CXorf38: variants seen among roughly 807,000 people sequenced by gnomAD.
CXorf38 encodes uncharacterized protein CXorf38.
In CXorf38, 13 loss-of-function variants were observed where a neutral mutation model predicts 27.5. The ratio of observed to expected loss-of-function variants is 0.47; its 90% CI spans 0.31 to 0.75. CXorf38 has a LOEUF of 0.75. CXorf38 is among the 30% of genes least tolerant of loss of function. The pLI, the probability that CXorf38 is intolerant of heterozygous loss-of-function variation, is 0.05. For synonymous variants in CXorf38, 100 were observed against 99.8 expected, an observed-to-expected ratio of 1.00 and a Z score of -0.01; for missense variants, 240 against 253.2, an observed-to-expected ratio of 0.95 and a Z score of 0.35.
chrX:40,647,039 G>C lies in CXorf38; in HGVS notation c.319C>G (p.Arg107Gly). 2 of 1,211,649 alleles carry C rather than the reference G, an allele frequency of 1.7e-6. No individual in the cohort carries two copies. The highest frequency in any genetic ancestry group is 2.2e-6 in the Non-Finnish European group (2 of 895,288). Reference sequence around the variant, plus strand: ...ACCTCCCAGGCGTCCACGGGCCAGCGGCCCGGCCGGCAGTTTCCCCAGTGC... The same window carrying C: ...ACCTCCCAGGCGTCCACGGGCCAGCCGCCCGGCCGGCAGTTTCCCCAGTGC... ...DVHWGNCRPG[R>G]WPVDAWEVAK... Residue 107 changes from arginine (R) to glycine (G), a missense_variant, in exon 2 of 7, where the codon CGC becomes GGC. Coordinates refer to ENST00000327877, the MANE Select transcript of CXorf38 (RefSeq NM_144970.3).
chrX:40,642,025 A>G (rs1390922318), intron 2 of CXorf38, among the ~76,000 whole-genome samples: 6 of 111,763 alleles, frequency 5.4e-5, no homozygotes, highest in Non-Finnish European at 9.4e-5. Flanking sequence ...TCTAATTCCC[A>G]TTTGAAGACT....
intron 2 of CXorf38, chrX:40,640,354 C>G (rs907937360): frequency 4.3e-6 from 1 of 232,038 alleles, no homozygotes; most frequent in East Asian, 1.3e-4. Context: ...CAAAAAACAA[C>G]AAAAAAAACC....
Position 40,631,932 on chromosome X carries a change from T to C in CXorf38, c.802-1159A>G, listed in dbSNP as rs1295194406. On this transcript the variant is annotated intron_variant, in intron 5 of 6. Transcript: ENST00000327877. ...GATCAAAGGGTTTCAGATTGGTCAG[T>C]AAGTAGACCGGGAATGTGCCCTTCA... Among the ~76,000 whole-genome samples, 14 of 111,348 alleles carry C rather than the reference T, an allele frequency of 1.3e-4. No homozygotes were observed. In the Admixed American group the frequency reaches 1.3e-3, roughly 11 times the overall value.
chrX:40,634,962 T>A (rs1260944026), intron 5 of CXorf38, among the ~76,000 whole-genome samples: 1 of 112,196 alleles, frequency 8.9e-6, no homozygotes, highest in Non-Finnish European at 1.9e-5. Context: ...CCTCATTATA[T>A]AAGATCTGCA....
intron 3 of CXorf38, 41 bp from the exon 4 acceptor site, chrX:40,637,197 A>G: frequency 2.0e-6 from 2 of 998,449 alleles, no homozygotes; most frequent in Middle Eastern, 3.4e-4. Flanking sequence ...AAAATCAAAC[A>G]ATGGGGTAAA....
At position 40,647,078 on chromosome X, in the gene CXorf38, T is replaced by C. The variant is rs1928620972; in HGVS notation, c.280A>G (p.Arg94Gly). The C allele has an allele frequency of 1.7e-6, 2 of 1,211,041 alleles. No individual in the cohort carries two copies. The highest frequency in any genetic ancestry group is 2.2e-6 in the Non-Finnish European group (2 of 895,258). The stretch of plus-strand genomic sequence containing the variant: ...TTTCCCCAGTGCACATCTCCATTTC[T>C]GTTGACATGATGTCTCAAAATCTCC... ...KREILRHHVNRNGDVHWGNCR... is the reference protein window; with the variant it reads ...KREILRHHVNGNGDVHWGNCR... The change falls in exon 2 of 7, where the codon AGA (arginine) becomes GGA (glycine). Residue 94 changes from arginine to glycine, a missense_variant. Coordinates refer to ENST00000327877, the MANE Select transcript of CXorf38 (RefSeq NM_144970.3).
chrX:40,636,525 TC>T lies in CXorf38; in HGVS notation c.801+7del, dbSNP rs751425060. ...ACTCACACAGAGCCTATAACACTTT[TC>T]TTTTACCTCTTCAGGCAACACCTCT... On this transcript the variant is annotated splice_region_variant and intron_variant, in intron 5 of 6. Transcript: ENST00000327877. 1 of 1,180,294 alleles carries T rather than the reference TC, an allele frequency of 8.5e-7. No homozygotes were observed. The highest frequency in any genetic ancestry group is 1.1e-6 in the Non-Finnish European group (1 of 871,069).
At chrX:40,630,827 TA>T in intron 5 of CXorf38, 54 bp from the exon 6 acceptor site, 1 of 1,122,378 alleles carries the variant, frequency 8.9e-7, no homozygotes, top group Non-Finnish European at 1.2e-6. Context: ...AGCAGATTTG[TA>T]ATTCAAATGA....
intron 5 of CXorf38, among the ~76,000 whole-genome samples, chrX:40,635,567 A>G (rs986203013): frequency 8.8e-6 from 1 of 113,074 alleles, no homozygotes; most frequent in African/African-American, 3.2e-5. Context: ...TCTGAACCTT[A>G]CTGGAATATA....
chrX:40,631,353 G>A (rs769369250), intron 5 of CXorf38, among the ~76,000 whole-genome samples: 5 of 108,077 alleles, frequency 4.6e-5, no homozygotes, highest in Non-Finnish European at 9.6e-5. Context: ...TGTCACCCAG[G>A]CTGGAGTGCA....
Position 40,646,954 on chromosome X carries a change from G to A in CXorf38, c.351+53C>T, listed in dbSNP as rs1011448233. 8 of 1,173,356 alleles carry A rather than the reference G, an allele frequency of 6.8e-6. No homozygotes were observed. In the African/African-American group the frequency reaches 1.3e-4, roughly 19 times the overall value. On this transcript the variant is annotated intron_variant, in intron 2 of 6. Coordinates refer to ENST00000327877, the MANE Select transcript of CXorf38 (RefSeq NM_144970.3). The stretch of plus-strand genomic sequence containing the variant: ...GACCACAAGACCAGATAGCCACCCC[G>A]AGTGCTGGGTGACCCGCCGCTTCCT...
intron 2 of CXorf38, among the ~76,000 whole-genome samples, chrX:40,645,507 GGTAGAA>G (rs1288275926): frequency 9.0e-6 from 1 of 111,469 alleles, no homozygotes; most frequent in African/African-American, 3.3e-5. Context: ...CTCTTTTCTA[GGTAGAA>G]GTAGAAGTCA....
intron 3 of CXorf38, 112 bp from the exon 4 acceptor site, chrX:40,637,268 A>C: frequency 1.8e-6 from 1 of 543,931 alleles, no homozygotes; most frequent in Non-Finnish European, 2.8e-6. Flanking sequence ...TAAAATCAAC[A>C]AGAGCAGTCT....
At chrX:40,639,176 G>C in intron 2 of CXorf38, 48 bp from the exon 3 acceptor site, 1 of 1,149,164 alleles carries the variant, frequency 8.7e-7, no homozygotes, top group African/African-American at 1.8e-5. Context: ...TCCAACTCTA[G>C]GAGATGGAAA....
intron 3 of CXorf38, among the ~76,000 whole-genome samples, chrX:40,638,724 C>T (rs1044401083): frequency 8.9e-6 from 1 of 112,081 alleles, no homozygotes; most frequent in Non-Finnish European, 1.9e-5. Context: ...CAGTGGCAAA[C>T]GGCACAATGA....
intron 5 of CXorf38, among the ~76,000 whole-genome samples, chrX:40,636,244 C>T (rs2146574293): frequency 8.9e-6 from 1 of 112,733 alleles, no homozygotes; most frequent in South Asian, 3.6e-4. Flanking sequence ...TCCACCTGAC[C>T]AGCAGAGAAT....
intron 2 of CXorf38, among the ~76,000 whole-genome samples, chrX:40,643,738 G>A (rs764714871): frequency 9.0e-6 from 1 of 111,541 alleles, no homozygotes; most frequent in African/African-American, 3.3e-5. Flanking sequence ...TTGAACTCCT[G>A]ACCTCAGGTG....
At chrX:40,645,279 T>G (rs1928522241) in intron 2 of CXorf38, among the ~76,000 whole-genome samples, 1 of 108,268 alleles carries the variant, frequency 9.2e-6, no homozygotes, top group African/African-American at 3.4e-5. Flanking sequence ...TGAGGGGGAG[T>G]GAAGCAGAGG....
chrX:40,631,270 C>T (rs1355207653), intron 5 of CXorf38, among the ~76,000 whole-genome samples: 1 of 98,521 alleles, frequency 1.0e-5, no homozygotes, highest in African/African-American at 4.0e-5. Context: ...CACACACACA[C>T]ACACACACAC....
Sources: allele counts gnomAD v4.1 joint callset (sites outside exome capture counted in the v4.1 genomes callset), GRCh38; gene constraint gnomAD v4.1.1; transcripts MANE v1.5; gene names NCBI Gene and HGNC (gene_info 2026-07-23, HGNC 2026-07-21).